The following CSMD2 variants were observed in gnomAD, a reference collection of about 807,000 sequenced individuals.
CSMD2 encodes the protein CUB and Sushi multiple domains 2.
In CSMD2, 130 loss-of-function variants were observed where a neutral mutation model predicts 398.5. The observed-to-expected ratio is 0.33, with a 90% CI of 0.28 to 0.38. CSMD2 has a LOEUF of 0.38. Among genes scored for constraint, CSMD2 ranks in the 10% least tolerant of loss-of-function variants. The pLI is 1.00. For synonymous variants in CSMD2, 1,828 were observed against 1,908.5 expected (o/e 0.96, Z 1.10); for missense variants, 3,829 against 4,764.9 (o/e 0.80, Z 5.78).
chr1:33,806,664 A>C (rs1429214927), intron 10 of CSMD2, among the ~76,000 whole-genome samples: 1 of 152,222 alleles, frequency 6.6e-6, no homozygotes, highest in Non-Finnish European at 1.5e-5. Flanking sequence ...GAATGATCTA[A>C]ACATAAGAGT....
intron 10 of CSMD2, among the ~76,000 whole-genome samples, chr1:33,798,230 T>C (rs1371370591): frequency 6.6e-6 from 1 of 152,190 alleles, no homozygotes; most frequent in Non-Finnish European, 1.5e-5. Context: ...ATAGGCATGA[T>C]CAAAGAGGCA....
At chr1:33,962,056 G>C (rs1259873946) in intron 3 of CSMD2, among the ~76,000 whole-genome samples, 3 of 152,136 alleles carry the variant, frequency 2.0e-5, no homozygotes, top group Non-Finnish European at 4.4e-5. Context: ...CTCAATAAAT[G>C]GTACACTAGC....
intron 2 of CSMD2, among the ~76,000 whole-genome samples, chr1:34,053,152 G>C (rs775501322): frequency 6.6e-5 from 10 of 152,024 alleles, no homozygotes; most frequent in Non-Finnish European, 1.2e-4. Flanking sequence ...CCTTCTCTTG[G>C]GGCACACACC....
At chr1:34,152,490 C>T (rs1640417507) in intron 1 of CSMD2, among the ~76,000 whole-genome samples, 1 of 152,172 alleles carries the variant, frequency 6.6e-6, no homozygotes, top group Admixed American at 6.5e-5. Flanking sequence ...CTCCTCAATG[C>T]CCTTCTTTGG....
rs1274566370 is a variant in CSMD2, at chr1:33,840,150, T to C, written c.1033+6734A>G. The C allele has an allele frequency of 4.6e-5, 7 of 152,198 alleles. No individual in the cohort carries two copies. The East Asian group carries it at 1.3e-3, about 29-fold the overall frequency. The allele number at this position is 152,198 out of a possible 1,614,324, so 9.4% of individuals were successfully genotyped here. On this transcript the variant is annotated intron_variant, in intron 6 of 70. Transcript: ENST00000373381. Reference sequence around the variant, plus strand: ...GAGTAGCATGTTCTAGTTCCCAGAATAGTGCTTTGTCATTATTAATAAGCC... The same window carrying C: ...GAGTAGCATGTTCTAGTTCCCAGAACAGTGCTTTGTCATTATTAATAAGCC...
chr1:33,822,741 T>C (rs1658302987), intron 7 of CSMD2, among the ~76,000 whole-genome samples: 2 of 151,830 alleles, frequency 1.3e-5, no homozygotes, highest in African/African-American at 4.8e-5. Context: ...AACTAGGGGG[T>C]CCTCTAAGGC....
At chr1:33,520,024 A>C in intron 68 of CSMD2, 74 bp from the exon 69 acceptor site, 1 of 1,555,474 alleles carries the variant, frequency 6.4e-7, no homozygotes, top group Non-Finnish European at 8.8e-7. Flanking sequence ...CTCCCCGACT[A>C]TACACTCTTG....
intron 13 of CSMD2, among the ~76,000 whole-genome samples, chr1:33,771,375 T>A (rs1651236415): frequency 6.6e-6 from 1 of 152,170 alleles, no homozygotes; most frequent in South Asian, 2.1e-4. Flanking sequence ...TTGGGCTCTA[T>A]ATTCTAACCA....
chr1:33,581,975 T>C (rs1638759617), intron 47 of CSMD2, among the ~76,000 whole-genome samples: 1 of 152,156 alleles, frequency 6.6e-6, no homozygotes, highest in Non-Finnish European at 1.5e-5. Flanking sequence ...CTAGGTCTGC[T>C]GTGTAAAAGT....
chr1:34,045,070 CACACACA>C (rs1558295452), intron 2 of CSMD2, among the ~76,000 whole-genome samples: 20 of 151,470 alleles, frequency 1.3e-4, no homozygotes, highest in African/African-American at 4.1e-4. Flanking sequence ...CACACACACA[CACACACA>C]CCCCTACAAA....
intron 5 of CSMD2, among the ~76,000 whole-genome samples, chr1:33,878,919 T>C (rs143726358): frequency 9.2e-5 from 14 of 152,298 alleles, no homozygotes; most frequent in African/African-American, 3.4e-4. Context: ...TTTATATGAA[T>C]CCATAGGACT....
intron 12 of CSMD2, among the ~76,000 whole-genome samples, chr1:33,779,959 G>A (rs1034108557): frequency 4.6e-5 from 7 of 152,320 alleles, no homozygotes; most frequent in African/African-American, 1.7e-4. Context: ...AGGAGAAATG[G>A]AGGACAACAG....
intron 49 of CSMD2, among the ~76,000 whole-genome samples, 167 bp downstream of exon 49, chr1:33,577,129 A>C (rs1638316197): frequency 6.6e-6 from 1 of 152,204 alleles, no homozygotes; most frequent in Non-Finnish European, 1.5e-5. Flanking sequence ...CATGGATCTC[A>C]AAACACTGAG....
intron 6 of CSMD2, among the ~76,000 whole-genome samples, chr1:33,829,275 G>T (rs1430696268): frequency 1.3e-5 from 2 of 152,144 alleles, no homozygotes; most frequent in African/African-American, 4.8e-5. Context: ...CTGATTGATG[G>T]GTCATGTAAG....
intron 2 of CSMD2, among the ~76,000 whole-genome samples, chr1:34,060,434 A>G (rs747348710): frequency 2.7e-4 from 41 of 152,220 alleles, no homozygotes; most frequent in Non-Finnish European, 5.6e-4. Context: ...TATATATCAA[A>G]GGATGGGAAG....
At chr1:33,952,675 T>TAC (rs71740719) in intron 3 of CSMD2, among the ~76,000 whole-genome samples, 16,245 of 148,604 alleles carry the variant, frequency 0.11, 908 homozygotes, top group African/African-American at 0.13. Context: ...TTTTGTTGTT[T>TAC]ACACACACAC....
intron 65 of CSMD2, among the ~76,000 whole-genome samples, chr1:33,526,703 A>G (rs553436508): frequency 7.9e-5 from 12 of 152,280 alleles, no homozygotes; most frequent in Admixed American, 2.0e-4. Context: ...CATAATACAC[A>G]TGTTAATGTG....
chr1:33,685,186 T>C (rs886574257), intron 25 of CSMD2, among the ~76,000 whole-genome samples: 7 of 152,170 alleles, frequency 4.6e-5, no homozygotes, highest in Non-Finnish European at 1.0e-4. Flanking sequence ...GCCAACTAGG[T>C]AGCCACGAGG....
In CSMD2 at chr1:33,567,548, T is replaced by C. The variant is rs199640472; in HGVS notation, c.8380+45A>G. On this transcript the variant is annotated intron_variant, in intron 53 of 70. Coordinates refer to ENST00000373381, the MANE Select transcript of CSMD2 (RefSeq NM_001281956.2). ...TTAAGAGACAGGGAGAAAGTCCATG[T>C]TGAATCTGAGCCCCATGACTAGGGA... 8.2e-5 allele frequency: 132 copies of C among 1,604,596 alleles called. No individual in the cohort carries two copies. The African/African-American group carries it at 1.6e-3, about 20-fold the overall frequency.
Sources: allele counts gnomAD v4.1 joint callset (sites outside exome capture counted in the v4.1 genomes callset), GRCh38; gene constraint gnomAD v4.1.1; transcripts MANE v1.5; gene names NCBI Gene and HGNC (gene_info 2026-07-23, HGNC 2026-07-21).